Variants in FAF1 observed in about 807,000 individuals in gnomAD.
FAF1 encodes FAS-associated factor 1.
FAF1 carries 25 observed loss-of-function variants against 92.5 expected under a neutral mutation model. That is an observed-to-expected ratio of 0.27 (90% CI 0.20 to 0.38). The LOEUF is 0.38. Among genes scored for constraint, FAF1 ranks in the 10% least tolerant of loss-of-function variants. The pLI is 1.00. For synonymous variants in FAF1, 234 were observed against 273.2 expected, an observed-to-expected ratio of 0.86 and a Z score of 1.42; for missense variants, 636 against 793.3, an observed-to-expected ratio of 0.80 and a Z score of 2.38.
At chr1:50,829,918 A>T (rs1644137015) in intron 2 of FAF1, among the ~76,000 whole-genome samples, 1 of 152,212 alleles carries the variant, frequency 6.6e-6, no homozygotes, top group Non-Finnish European at 1.5e-5. Context: ...TTACAAAAGA[A>T]ATAATGGTTT....
chr1:50,870,286 G>A (rs1204200820), intron 1 of FAF1, among the ~76,000 whole-genome samples: 2 of 152,102 alleles, frequency 1.3e-5, no homozygotes, highest in African/African-American at 2.4e-5. Context: ...GTGAAACCCC[G>A]TCTCTACTAA....
chr1:50,937,433 T>C (rs1294548961), intron 1 of FAF1, among the ~76,000 whole-genome samples: 2 of 152,128 alleles, frequency 1.3e-5, no homozygotes, highest in African/African-American at 4.8e-5. Flanking sequence ...AGATTCTGTA[T>C]AGGTCCAGAG....
chr1:50,556,366 G>T (rs1649582600), intron 13 of FAF1, among the ~76,000 whole-genome samples: 1 of 151,946 alleles, frequency 6.6e-6, no homozygotes, highest in Non-Finnish European at 1.5e-5. Flanking sequence ...AGAGGTATAA[G>T]GGACACTGAA....
chr1:50,609,839 T>C (rs1280670748), intron 8 of FAF1, among the ~76,000 whole-genome samples: 1 of 151,658 alleles, frequency 6.6e-6, no homozygotes, highest in African/African-American at 2.4e-5. Flanking sequence ...AATATAACTA[T>C]ATTTTAAGAC....
intron 4 of FAF1, among the ~76,000 whole-genome samples, chr1:50,754,528 C>CAG (rs1254007372): frequency 6.6e-6 from 1 of 152,072 alleles, no homozygotes; most frequent in African/African-American, 2.4e-5. Flanking sequence ...CCTGTTATTC[C>CAG]ATACTGGCTG....
At chr1:50,588,911 C>T (rs1223669348) in intron 9 of FAF1, among the ~76,000 whole-genome samples, 1 of 152,174 alleles carries the variant, frequency 6.6e-6, no homozygotes, top group Non-Finnish European at 1.5e-5. Flanking sequence ...GAGACAGAAA[C>T]AGGAGATGGG....
intron 18 of FAF1, among the ~76,000 whole-genome samples, chr1:50,447,891 T>C (rs1382806562): frequency 6.6e-6 from 1 of 152,228 alleles, no homozygotes; most frequent in East Asian, 1.9e-4. Flanking sequence ...TATCTAATGT[T>C]ATCAGGATAT....
At chr1:50,924,681 G>C (rs1038141044) in intron 1 of FAF1, among the ~76,000 whole-genome samples, 2 of 152,106 alleles carry the variant, frequency 1.3e-5, no homozygotes, top group Non-Finnish European at 2.9e-5. Flanking sequence ...GCATAGTATT[G>C]GTATAATAAA....
chr1:50,700,898 AT>A (rs1201649144), intron 7 of FAF1, among the ~76,000 whole-genome samples: 4 of 152,124 alleles, frequency 2.6e-5, no homozygotes, highest in Admixed American at 2.6e-4. Context: ...TGCATTATAA[AT>A]ATTAAATTTA....
chr1:50,868,042 T>C (rs1182387273), intron 1 of FAF1, among the ~76,000 whole-genome samples: 1 of 151,504 alleles, frequency 6.6e-6, no homozygotes, highest in African/African-American at 2.4e-5. Flanking sequence ...CTAGAAGGAG[T>C]TGAAGACCAT....
At chr1:50,653,034 C>T (rs10888703) in intron 8 of FAF1, among the ~76,000 whole-genome samples, 1 of 152,012 alleles carries the variant, frequency 6.6e-6, no homozygotes, top group Non-Finnish European at 1.5e-5. Context: ...AGTTCTTAGA[C>T]AATACTGAGA....
chr1:50,613,067 C>T (rs564842529), intron 8 of FAF1, among the ~76,000 whole-genome samples: 40 of 152,304 alleles, frequency 2.6e-4, no homozygotes, highest in Admixed American at 1.1e-3. Flanking sequence ...AATGCTCTAA[C>T]TTATATGGGT....
At position 50,806,920 on chromosome 1, in the gene FAF1, A is replaced by T. The variant is rs190515152; in HGVS notation, c.115-5243T>A. Among the ~76,000 whole-genome samples the T allele has an allele frequency of 1.8e-4, 27 of 152,362 alleles. No homozygotes were observed. In the East Asian group the frequency reaches 5.0e-3, roughly 28 times the overall value. On this transcript the variant is annotated intron_variant, in intron 2 of 18. Transcript: ENST00000396153. ...GATTAGCATTTTCAAAGATTGAAGG[A>T]ATATCACCCACAATGATGAGAAGGT...
At chr1:50,453,409 C>T (rs994035676) in intron 18 of FAF1, among the ~76,000 whole-genome samples, 1 of 152,166 alleles carries the variant, frequency 6.6e-6, no homozygotes, top group African/African-American at 2.4e-5. Flanking sequence ...GAGTTTAGTC[C>T]CTAACGACAT....
intron 18 of FAF1, among the ~76,000 whole-genome samples, chr1:50,470,064 T>A (rs1332146142): frequency 6.6e-6 from 1 of 152,214 alleles, no homozygotes; most frequent in Non-Finnish European, 1.5e-5. Flanking sequence ...TCCTTCTGGC[T>A]CTTGTTTTTT....
intron 7 of FAF1, among the ~76,000 whole-genome samples, chr1:50,659,378 G>A (rs939619277): frequency 6.6e-6 from 1 of 151,946 alleles, no homozygotes; most frequent in Non-Finnish European, 1.5e-5. Flanking sequence ...GAGAAAGAGA[G>A]GGGGAAGGAC....
intron 4 of FAF1, among the ~76,000 whole-genome samples, chr1:50,746,400 G>A (rs1659626755): frequency 1.4e-5 from 2 of 145,738 alleles, no homozygotes; most frequent in Non-Finnish European, 3.0e-5. Context: ...GCCTCCTGGG[G>A]TCAAGCAATT....
rs559497423 is a variant in FAF1 at position 50,667,159 on chromosome 1, T to G, written c.658-11631A>C. Among the ~76,000 whole-genome samples the G allele has an allele frequency of 7.9e-5, 12 of 152,288 alleles. No homozygotes were observed. The South Asian group carries it at 2.5e-3, about 32-fold the overall frequency. ...TGAGAAAGATGGCAAGATAAAAAAT[T>G]TCCAAGGAAAATAAATCAAGGAAAA... On this transcript the variant is annotated intron_variant, in intron 7 of 18. Transcript: ENST00000396153.
chr1:50,539,142 A>G (rs999529144), intron 14 of FAF1, among the ~76,000 whole-genome samples: 10 of 152,256 alleles, frequency 6.6e-5, no homozygotes, highest in Non-Finnish European at 8.8e-5. Flanking sequence ...TGCACCCTAA[A>G]CATGGAATCA....
Sources: allele counts gnomAD v4.1 joint callset (sites outside exome capture counted in the v4.1 genomes callset), GRCh38; gene constraint gnomAD v4.1.1; transcripts MANE v1.5; gene names NCBI Gene and HGNC (gene_info 2026-07-23, HGNC 2026-07-21).